RSU1: variants seen among roughly 807,000 people sequenced by gnomAD.
RSU1 encodes Ras suppressor protein 1.
In RSU1, 26 loss-of-function variants were observed where a neutral mutation model predicts 31.1. The observed-to-expected ratio is 0.84, with a 90% CI of 0.61 to 1.16. RSU1 has a LOEUF of 1.16. Among genes scored for constraint, RSU1 ranks in the 50% most tolerant of loss-of-function variants. The pLI is 0.00. For missense variants in RSU1, 320 were observed against 339.1 expected (o/e 0.94, Z 0.44); for synonymous variants, 164 against 136.3 (o/e 1.20, Z -1.41).
chr10:16,788,510 A>T (rs1438000910), intron 2 of RSU1, among the ~76,000 whole-genome samples: 1 of 152,202 alleles, frequency 6.6e-6, no homozygotes, highest in African/African-American at 2.4e-5. Context: ...GGCCTTCCAC[A>T]AATCAGTAAG....
chr10:16,791,929 C>CTAA (rs1266562512), intron 2 of RSU1, among the ~76,000 whole-genome samples: 4 of 152,122 alleles, frequency 2.6e-5, no homozygotes, highest in Admixed American at 6.5e-5. Flanking sequence ...CAAATGATTC[C>CTAA]TTTAGTAGCA....
intron 2 of RSU1, among the ~76,000 whole-genome samples, chr10:16,782,819 C>A (rs937087582): frequency 6.6e-6 from 1 of 151,816 alleles, no homozygotes; most frequent in South Asian, 2.1e-4. Context: ...AAATGATCTC[C>A]CCTCTACTCT....
At chr10:16,747,794 A>AG (rs1021900936) in intron 7 of RSU1, among the ~76,000 whole-genome samples, 2 of 152,210 alleles carry the variant, frequency 1.3e-5, no homozygotes, top group Non-Finnish European at 2.9e-5. Flanking sequence ...GTGCTTCAGG[A>AG]GGCTGAGGCA....
At chr10:16,639,569 T>C (rs1834403971) in intron 8 of RSU1, among the ~76,000 whole-genome samples, 1 of 152,248 alleles carries the variant, frequency 6.6e-6, no homozygotes, top group South Asian at 2.1e-4. Context: ...TTCACATATT[T>C]CTGCCAACAT....
At chr10:16,788,317 G>A (rs547639498) in intron 2 of RSU1, among the ~76,000 whole-genome samples, 11 of 152,092 alleles carry the variant, frequency 7.2e-5, no homozygotes, top group Non-Finnish European at 1.6e-4. Context: ...ACATTTGAAC[G>A]TTTTCCCCAA....
chr10:16,760,954 A>T (rs1211207474), intron 4 of RSU1, among the ~76,000 whole-genome samples: 1 of 151,990 alleles, frequency 6.6e-6, no homozygotes, highest in Non-Finnish European at 1.5e-5. Flanking sequence ...TTTTGTATGT[A>T]TTTTTGAGAT....
chr10:16,665,542 C>A (rs755945388), intron 8 of RSU1, among the ~76,000 whole-genome samples: 1 of 152,196 alleles, frequency 6.6e-6, no homozygotes, highest in Admixed American at 6.5e-5. Flanking sequence ...AACTTCCATT[C>A]TTCCACAAAA....
At chr10:16,683,859 A>G (rs1219300762) in intron 8 of RSU1, among the ~76,000 whole-genome samples, 1 of 152,240 alleles carries the variant, frequency 6.6e-6, no homozygotes, top group African/African-American at 2.4e-5. Flanking sequence ...TCAATTGTTC[A>G]ACTTCGAACA....
chr10:16,634,043 T>C (rs1834303778), intron 8 of RSU1, among the ~76,000 whole-genome samples: 1 of 152,180 alleles, frequency 6.6e-6, no homozygotes, highest in Non-Finnish European at 1.5e-5. Flanking sequence ...ATCCTCTATT[T>C]ATCAGACAGC....
intron 8 of RSU1, among the ~76,000 whole-genome samples, chr10:16,688,377 C>A (rs1163357390): frequency 6.6e-6 from 1 of 152,006 alleles, no homozygotes; most frequent in Non-Finnish European, 1.5e-5. Flanking sequence ...GAGGCCGAGG[C>A]GGACGGGTCA....
chr10:16,707,453 A>T (rs1835930433), intron 7 of RSU1, among the ~76,000 whole-genome samples: 1 of 151,640 alleles, frequency 6.6e-6, no homozygotes, highest in African/African-American at 2.4e-5. Context: ...CGTGGTTCTG[A>T]TTTGCACTTT....
chr10:16,671,286 C>T (rs192468628), intron 8 of RSU1, among the ~76,000 whole-genome samples: 1 of 152,276 alleles, frequency 6.6e-6, no homozygotes, highest in African/African-American at 2.4e-5. Context: ...TCAAGTGATC[C>T]TCCTGCCTTG....
chr10:16,648,845 G>A (rs535617194), intron 8 of RSU1, among the ~76,000 whole-genome samples: 3 of 151,816 alleles, frequency 2.0e-5, no homozygotes, highest in Admixed American at 6.6e-5. Flanking sequence ...ACAGGAAACC[G>A]TGGGCTGTAA....
chr10:16,618,094 T>C (rs2131475392), intron 8 of RSU1, among the ~76,000 whole-genome samples: 1 of 152,202 alleles, frequency 6.6e-6, no homozygotes, highest in South Asian at 2.1e-4. Context: ...CTGACAAAGG[T>C]CTATTATCTA....
intron 8 of RSU1, among the ~76,000 whole-genome samples, chr10:16,596,886 C>T (rs948085078): frequency 3.3e-5 from 5 of 152,084 alleles, no homozygotes; most frequent in African/African-American, 1.2e-4. Flanking sequence ...CCATGCCTGC[C>T]TAATTTTTGT....
At chr10:16,720,336 T>C (rs563437582) in intron 7 of RSU1, among the ~76,000 whole-genome samples, 1 of 152,298 alleles carries the variant, frequency 6.6e-6, no homozygotes, top group Non-Finnish European at 1.5e-5. Context: ...TCAGAAATAA[T>C]TCTACAAATA....
intron 8 of RSU1, among the ~76,000 whole-genome samples, chr10:16,661,316 G>A (rs909135888): frequency 1.1e-4 from 17 of 151,184 alleles, no homozygotes; most frequent in Admixed American, 6.6e-4. Flanking sequence ...GTGTGTGTGT[G>A]TGTGTGTGTG....
At chr10:16,681,977 T>C (rs1394455660) in intron 8 of RSU1, among the ~76,000 whole-genome samples, 1 of 152,162 alleles carries the variant, frequency 6.6e-6, no homozygotes, top group African/African-American at 2.4e-5. Context: ...TGGTGCATCC[T>C]ATGAAAATAA....
At position 16,712,470 on chromosome 10, in the gene RSU1, C is replaced by G. The variant is rs186982524; in HGVS notation, c.599-17315G>C. On this transcript the variant is annotated intron_variant, in intron 7 of 8. Transcript: ENST00000345264. ...TGTGCTGCGAAGTTTTGTTTTCTTT[C>G]TCTTTACTGTTTATTATTCTGTCGT... 1.6e-3 allele frequency among the ~76,000 whole-genome samples: 236 copies of G among 151,962 alleles called. 3 individuals carry two copies. Among genetic ancestry groups the G allele is most frequent in the African/African-American group, 5.5e-3 (228 of 41,446 alleles).
Sources: gnomAD v4.1 joint callset for allele counts (sites outside exome capture counted in the v4.1 genomes callset) on GRCh38, gnomAD v4.1.1 for gene constraint, MANE v1.5 for transcripts, NCBI Gene and HGNC (gene_info 2026-07-23, HGNC 2026-07-21) for gene names.